Variants in MAP3K1 observed in about 807,000 individuals in gnomAD.
MAP3K1 encodes mitogen-activated protein kinase kinase kinase 1.
Under a neutral mutation model 144.2 loss-of-function variants are expected in MAP3K1, and 36 were observed. That is an observed-to-expected ratio of 0.25 (90% CI 0.19 to 0.33). The LOEUF is 0.33. Among genes scored for constraint, MAP3K1 ranks in the 10% least tolerant of loss-of-function variants. The probability of loss-of-function intolerance (pLI) is 1.00; values close to 1 mark genes in which losing one functional copy is unlikely to be tolerated. For synonymous variants in MAP3K1, 718 were observed against 688.7 expected, an observed-to-expected ratio of 1.04 and a Z score of -0.67; for missense variants, 1,650 against 1,881.9, an observed-to-expected ratio of 0.88 and a Z score of 2.28.
rs1422260555 is a variant in MAP3K1 at position 56,895,267 on chromosome 5, G to C, written c.*1587G>C. ...TCTTAGTGAAATTTTACATTCCTTT[G>C]TTTTGGAAGATTGGCGATATTTGAA... On this transcript the variant is annotated 3_prime_UTR_variant, in exon 20 of 20. Coordinates refer to ENST00000399503, the MANE Select transcript of MAP3K1 (RefSeq NM_005921.2). 1 of 231,794 alleles carries C rather than the reference G, an allele frequency of 4.3e-6. No individual in the cohort carries two copies. The allele number at this position is 231,794 out of a possible 1,614,324, so 14.4% of individuals were successfully genotyped here.
chr5:56,863,478 T>C (rs531848768), intron 3 of MAP3K1, among the ~76,000 whole-genome samples: 1 of 152,364 alleles, frequency 6.6e-6, no homozygotes, highest in African/African-American at 2.4e-5. Flanking sequence ...TAGCATGTGT[T>C]AGTACTCCAT....
At chr5:56,850,342 G>A (rs953672816) in intron 1 of MAP3K1, among the ~76,000 whole-genome samples, 1 of 152,160 alleles carries the variant, frequency 6.6e-6, no homozygotes, top group Non-Finnish European at 1.5e-5. Context: ...GACACCAAGA[G>A]AATCAAGATA....
chr5:56,816,095 G>A (rs1309497413), intron 1 of MAP3K1, 40 bp downstream of exon 1: 1 of 1,202,226 alleles, frequency 8.3e-7, no homozygotes, highest in Non-Finnish European at 1.0e-6. Flanking sequence ...GACTTGGAGA[G>A]CGGGCAGAGG....
In MAP3K1 at chr5:56,859,789, C is replaced by G. The variant is rs1411868264; in HGVS notation, c.708C>G (p.Val236=). ...TAGCAGCTGAGTCTCCAGGAGAGGT[C>G]CAGGCAAGTGCGGCTTCACCAGCTT... ...NHLAAESPGE[V]QASAASPASK... The change falls in exon 3 of 20, where the codon GTC becomes GTG. Residue 236 remains valine (V), a synonymous_variant. Coordinates refer to ENST00000399503, the MANE Select transcript of MAP3K1 (RefSeq NM_005921.2). 4.3e-6 allele frequency: 7 copies of G among 1,613,982 alleles called. No individual in the cohort carries two copies. The East Asian group carries it at 1.3e-4, about 31-fold the overall frequency.
chr5:56,867,709 G>T (rs1747720203), intron 6 of MAP3K1, among the ~76,000 whole-genome samples: 1 of 152,086 alleles, frequency 6.6e-6, no homozygotes, highest in Non-Finnish European at 1.5e-5. Flanking sequence ...AAAGGAATAT[G>T]GCTTTTAAAA....
At chr5:56,816,301 G>C (rs1159799363) in intron 1 of MAP3K1, among the ~76,000 whole-genome samples, 4 of 152,070 alleles carry the variant, frequency 2.6e-5, no homozygotes, top group Non-Finnish European at 4.4e-5. Context: ...TGTGACAGGC[G>C]TGCGAGCCTC....
In MAP3K1 at chr5:56,883,693, G is replaced by A. The variant is rs370142621; in HGVS notation, c.3819+14G>A. On this transcript the variant is annotated intron_variant, in intron 15 of 19. Transcript: ENST00000399503. ...GCTGTTAAACAGGTAAATATCTAGTGAGCATATAAATGAAATGACTCAAAT... is the reference window on the plus strand; with the variant it reads ...GCTGTTAAACAGGTAAATATCTAGTAAGCATATAAATGAAATGACTCAAAT... 1.4e-5 allele frequency: 23 copies of A among 1,613,286 alleles called. No individual in the cohort carries two copies. The highest frequency in any genetic ancestry group is 1.1e-4 in the African/African-American group (8 of 74,884).
chr5:56,871,201 G>A (rs917167611), intron 6 of MAP3K1, among the ~76,000 whole-genome samples: 19 of 152,042 alleles, frequency 1.2e-4, no homozygotes, highest in Non-Finnish European at 2.6e-4. Flanking sequence ...CCTCATTTAT[G>A]GATTTCTCTG....
At chr5:56,832,038 C>T (rs1024042314) in intron 1 of MAP3K1, among the ~76,000 whole-genome samples, 6 of 152,130 alleles carry the variant, frequency 3.9e-5, no homozygotes, top group Admixed American at 6.5e-5. Context: ...CTTGTGAGAC[C>T]GTTCCCCATT....
At chr5:56,825,499 A>G (rs910821612) in intron 1 of MAP3K1, among the ~76,000 whole-genome samples, 1 of 152,192 alleles carries the variant, frequency 6.6e-6, no homozygotes, top group Non-Finnish European at 1.5e-5. Flanking sequence ...TTTCTCCAGG[A>G]TAGTTCCTCC....
Position 56,882,424 on chromosome 5 carries a change from A to G in MAP3K1, c.3224A>G (p.Asp1075Gly). The G allele has an allele frequency of 6.2e-7, 1 of 1,614,120 alleles. No individual in the cohort carries two copies. The highest frequency in any genetic ancestry group is 8.5e-7 in the Non-Finnish European group (1 of 1,179,992). Residue 1075 changes from aspartate (D) to glycine (G), a missense_variant, in exon 14 of 20, where the codon GAT becomes GGT. By Grantham distance (94) the Asp-to-Gly change is moderately conservative. Coordinates refer to ENST00000399503, the MANE Select transcript of MAP3K1 (RefSeq NM_005921.2). ...CCAGGTAATACAAGTAAACAGGGAG[A>G]TCCCTCAAAAAATAGCATGACACTT... is the stretch of plus-strand genomic sequence containing the variant. ...PTPGNTSKQG[D>G]PSKNSMTLDL...
rs1284255088 is a variant in MAP3K1, at chr5:56,830,883, C to CT, written c.482+14829dup. On this transcript the variant is annotated intron_variant, in intron 1 of 19. Transcript: ENST00000399503. ...ACAGAAAATTTTATGTTGTCATTTA[C>CT]TGTTTTTTTTTTAAATACCTAGTCT... is the stretch of plus-strand genomic sequence containing the variant. Among the ~76,000 whole-genome samples, 910 of 145,566 alleles carry CT rather than the reference C, an allele frequency of 6.3e-3. 4 individuals carry two copies. Among genetic ancestry groups the CT allele is most frequent in the African/African-American group, 0.022 (844 of 38,374 alleles).
In MAP3K1 at chr5:56,856,740, G is replaced by C; in HGVS notation, c.623G>C (p.Arg208Pro). ...KHEWLERRNR[R>P]GPVVVKPIPV... ...GAATGGTTGGAAAGGAGAAATAGGC[G>C]AGGGCCTGTGGTAAGTGGCTATGGG... is the stretch of plus-strand genomic sequence containing the variant. The change falls in exon 2 of 20, where the codon CGA becomes CCA. Residue 208 changes from arginine to proline, a missense_variant. Transcript: ENST00000399503. 1 of 1,613,928 alleles carries C rather than the reference G, an allele frequency of 6.2e-7. No individual in the cohort carries two copies. The highest frequency in any genetic ancestry group is 8.5e-7 in the Non-Finnish European group (1 of 1,179,814).
At chr5:56,830,170 A>G (rs1193573155) in intron 1 of MAP3K1, among the ~76,000 whole-genome samples, 8 of 152,204 alleles carry the variant, frequency 5.3e-5, no homozygotes, top group African/African-American at 1.9e-4. Context: ...GTGTAATATA[A>G]TGCTTTCTTC....
chr5:56,827,565 A>C (rs1405033128), intron 1 of MAP3K1, among the ~76,000 whole-genome samples: 1 of 152,198 alleles, frequency 6.6e-6, no homozygotes, highest in Non-Finnish European at 1.5e-5. Flanking sequence ...CACTGTAGTG[A>C]TTAAGAACCT....
chr5:56,833,494 T>TG (rs1746558824), intron 1 of MAP3K1, among the ~76,000 whole-genome samples: 2 of 152,152 alleles, frequency 1.3e-5, no homozygotes, highest in African/African-American at 4.8e-5. Flanking sequence ...GACCTCCTGC[T>TG]GTCTATGCAC....
chr5:56,880,731 T>C lies in MAP3K1; in HGVS notation c.2108T>C (p.Ile703Thr). 2 of 1,613,674 alleles carry C rather than the reference T, an allele frequency of 1.2e-6. No individual in the cohort carries two copies. The highest frequency in any genetic ancestry group is 1.1e-5 in the South Asian group (1 of 91,072). Residue 703 changes from isoleucine to threonine, a missense_variant, in exon 12 of 20, where the codon ATA (isoleucine) becomes ACA (threonine). Ile to Thr is a moderately conservative substitution (Grantham distance 89). Around this residue, in one of 6 missense-constraint regions of MAP3K1, gnomAD observed 841 missense variants for 886.5 expected, o/e 0.95. Coordinates refer to ENST00000399503, the MANE Select transcript of MAP3K1 (RefSeq NM_005921.2). Reference protein sequence around the residue: ...DANSRTSQLSISTLLELCKGQ... With the variant: ...DANSRTSQLSTSTLLELCKGQ... ...TTTAGCCGCACAAGTCAGCTGTCCA[T>C]ATCAACACTGTTGGAACTGTGCAAA...
chr5:56,832,790 A>G (rs1746534703), intron 1 of MAP3K1, among the ~76,000 whole-genome samples: 1 of 152,260 alleles, frequency 6.6e-6, no homozygotes, highest in African/African-American at 2.4e-5. Context: ...AATCATATGT[A>G]GTGATGACTT....
At chr5:56,868,002 T>C (rs1747729018) in intron 6 of MAP3K1, among the ~76,000 whole-genome samples, 1 of 152,210 alleles carries the variant, frequency 6.6e-6, no homozygotes, top group African/African-American at 2.4e-5. Flanking sequence ...ATATTATGCA[T>C]GAACCCAGTT....
Sources: allele counts gnomAD v4.1 joint callset (sites outside exome capture counted in the v4.1 genomes callset), GRCh38; gene constraint gnomAD v4.1.1; regional missense constraint gnomAD v4.1.1; transcripts MANE v1.5; gene names NCBI Gene and HGNC (gene_info 2026-07-23, HGNC 2026-07-21).